KCNIP4: variants seen among roughly 807,000 people sequenced by gnomAD.
KCNIP4 encodes Kv channel-interacting protein 4.
KCNIP4 carries 12 observed loss-of-function variants against 34.0 expected under a neutral mutation model. The ratio of observed to expected loss-of-function variants is 0.35; its 90% CI spans 0.23 to 0.57. The LOEUF (loss-of-function observed/expected upper bound fraction) is 0.57, where lower values mean the gene tolerates loss of function less well. Ranked by LOEUF, KCNIP4 falls within the 20% of genes least tolerant of loss-of-function variation. The pLI, the probability that KCNIP4 is intolerant of heterozygous loss-of-function variation, is 0.83. For synonymous variants in KCNIP4, 124 were observed against 102.2 expected, an observed-to-expected ratio of 1.21 and a Z score of -1.29; for missense variants, 238 against 311.7, an observed-to-expected ratio of 0.76 and a Z score of 1.78.
intron 4 of KCNIP4, among the ~76,000 whole-genome samples, chr4:20,758,043 T>C (rs1754631188): frequency 6.6e-6 from 1 of 152,214 alleles, no homozygotes; most frequent in Non-Finnish European, 1.5e-5. Flanking sequence ...GGGCAGAGAT[T>C]ACATCCTATT....
chr4:21,541,797 A>C (rs1737718100), intron 1 of KCNIP4, among the ~76,000 whole-genome samples: 1 of 151,930 alleles, frequency 6.6e-6, no homozygotes, highest in African/African-American at 2.4e-5. Flanking sequence ...ACCTGCCACC[A>C]GGCTCAGCTA....
intron 1 of KCNIP4, among the ~76,000 whole-genome samples, chr4:21,726,687 G>C (rs985916017): frequency 1.3e-5 from 2 of 152,104 alleles, no homozygotes; most frequent in African/African-American, 2.4e-5. Context: ...ACTCTGCACT[G>C]TAATTGCTTC....
chr4:21,672,545 T>G (rs553173814), intron 1 of KCNIP4, among the ~76,000 whole-genome samples: 1 of 152,356 alleles, frequency 6.6e-6, no homozygotes, highest in East Asian at 1.9e-4. Context: ...ATTAAATATG[T>G]GTTTTTACAT....
At chr4:20,748,489 T>C (rs1578506262) in intron 5 of KCNIP4, among the ~76,000 whole-genome samples, 1 of 150,376 alleles carries the variant, frequency 6.6e-6, no homozygotes. Context: ...ATCAGAGCTC[T>C]CATCAAAATT....
intron 1 of KCNIP4, among the ~76,000 whole-genome samples, chr4:21,936,830 G>GGGCC (rs1729888187): frequency 6.6e-6 from 1 of 151,868 alleles, no homozygotes; most frequent in African/African-American, 2.4e-5. Flanking sequence ...TAACAAATAT[G>GGGCC]GGCCTTCTAC....
intron 3 of KCNIP4, among the ~76,000 whole-genome samples, chr4:20,844,120 T>C (rs1395537925): frequency 2.0e-5 from 3 of 152,212 alleles, no homozygotes; most frequent in Non-Finnish European, 4.4e-5. Flanking sequence ...GATAGTTTCA[T>C]GTCCAGAGAA....
intron 1 of KCNIP4, among the ~76,000 whole-genome samples, chr4:21,937,698 T>C (rs983032627): frequency 6.6e-6 from 1 of 152,076 alleles, no homozygotes; most frequent in Non-Finnish European, 1.5e-5. Context: ...CCCATCTTGG[T>C]AAATGTATGC....
chr4:21,694,906 C>T lies in KCNIP4; in HGVS notation c.61+253665G>A, dbSNP rs188051538. 5.4e-3 allele frequency among the ~76,000 whole-genome samples: 570 copies of T among 105,104 alleles called. 3 individuals are homozygous for T. The highest frequency in any genetic ancestry group is 8.0e-3 in the Non-Finnish European group (418 of 52,204). 69.0% of individuals were successfully genotyped at this position (105,104 alleles called of 152,430 possible). A position where few individuals can be genotyped will look rare whatever the true frequency, so the allele number is the denominator to read the frequency against. ...AAAATCACCGTTTCCTCAGATAACA[C>T]GATTGACCAAAAAAAAAAAAAAAAT... On this transcript the variant is annotated intron_variant, in intron 1 of 8. Coordinates refer to ENST00000382152, the MANE Select transcript of KCNIP4 (RefSeq NM_025221.6).
intron 1 of KCNIP4, among the ~76,000 whole-genome samples, chr4:21,750,582 T>C (rs1717088896): frequency 6.6e-6 from 1 of 152,174 alleles, no homozygotes; most frequent in Non-Finnish European, 1.5e-5. Flanking sequence ...TATAAACATA[T>C]TTTGAAAACA....
At chr4:20,875,251 T>C (rs1370422301) in intron 2 of KCNIP4, among the ~76,000 whole-genome samples, 2 of 152,168 alleles carry the variant, frequency 1.3e-5, no homozygotes, top group African/African-American at 2.4e-5. Flanking sequence ...AACTAGAGAA[T>C]TGGTAAAGTA....
chr4:21,031,085 G>C (rs1398797418), intron 1 of KCNIP4, among the ~76,000 whole-genome samples: 1 of 152,096 alleles, frequency 6.6e-6, no homozygotes, highest in Non-Finnish European at 1.5e-5. Flanking sequence ...TCTTCCATCT[G>C]GTCTCCAAGA....
At chr4:21,363,975 T>C (rs1719473464) in intron 1 of KCNIP4, among the ~76,000 whole-genome samples, 1 of 152,104 alleles carries the variant, frequency 6.6e-6, no homozygotes. Flanking sequence ...AGCATGAGTG[T>C]TTGGGTTTTG....
chr4:21,620,379 G>T (rs1347893647), intron 1 of KCNIP4, among the ~76,000 whole-genome samples: 2 of 152,120 alleles, frequency 1.3e-5, no homozygotes, highest in East Asian at 3.9e-4. Flanking sequence ...GCACATGTCT[G>T]TAGTCCCAGC....
chr4:21,485,984 T>C (rs907262150), intron 1 of KCNIP4, among the ~76,000 whole-genome samples: 2 of 152,048 alleles, frequency 1.3e-5, no homozygotes, highest in African/African-American at 4.8e-5. Flanking sequence ...GGTTTTGACA[T>C]GATTATTTTT....
chr4:21,057,494 C>A (rs1743521920), intron 1 of KCNIP4, among the ~76,000 whole-genome samples: 1 of 151,924 alleles, frequency 6.6e-6, no homozygotes, highest in South Asian at 2.1e-4. Flanking sequence ...ATTTGATTAC[C>A]TCAATTTTTT....
intron 1 of KCNIP4, among the ~76,000 whole-genome samples, chr4:21,093,761 G>T (rs1747206039): frequency 6.6e-6 from 1 of 152,056 alleles, no homozygotes; most frequent in African/African-American, 2.4e-5. Flanking sequence ...ATTGAGAATA[G>T]GGTATAATGG....
intron 1 of KCNIP4, among the ~76,000 whole-genome samples, chr4:21,009,395 TCTC>T (rs1391159171): frequency 1.3e-5 from 2 of 152,222 alleles, no homozygotes; most frequent in Admixed American, 6.5e-5. Context: ...GAAATTGAAT[TCTC>T]CTGATTTCTT....
intron 1 of KCNIP4, among the ~76,000 whole-genome samples, chr4:21,358,324 T>TA (rs1318794602): frequency 2.6e-5 from 4 of 151,502 alleles, no homozygotes; most frequent in South Asian, 2.1e-4. Context: ...ATAATAATAA[T>TA]AAAAAAAATC....
intron 2 of KCNIP4, among the ~76,000 whole-genome samples, chr4:20,859,015 T>C (rs1367842636): frequency 6.6e-6 from 1 of 152,218 alleles, no homozygotes; most frequent in Non-Finnish European, 1.5e-5. Flanking sequence ...AATTACTTTG[T>C]TCAAAATCCT....
Sources: gnomAD v4.1 joint callset for allele counts (sites outside exome capture counted in the v4.1 genomes callset) on GRCh38, gnomAD v4.1.1 for gene constraint, MANE v1.5 for transcripts, NCBI Gene and HGNC (gene_info 2026-07-23, HGNC 2026-07-21) for gene names.